Variants in POGLUT3 observed in about 807,000 individuals in gnomAD.
POGLUT3 encodes KDEL (Lys-Asp-Glu-Leu) containing 2.
A neutral mutation model predicts 54.3 loss-of-function variants in POGLUT3; 48 were observed. The ratio of observed to expected loss-of-function variants is 0.88; its 90% CI spans 0.70 to 1.12. POGLUT3 has a LOEUF of 1.12. Ranked by LOEUF, POGLUT3 falls within the 50% of genes most tolerant of loss-of-function variation. The pLI, the probability that POGLUT3 is intolerant of heterozygous loss-of-function variation, is 0.00. For missense variants in POGLUT3, 629 were observed against 618.7 expected (o/e 1.02, Z -0.18); for synonymous variants, 218 against 237.4 (o/e 0.92, Z 0.75).
intron 2 of POGLUT3, among the ~76,000 whole-genome samples, chr11:108,490,768 G>A (rs1427658693): frequency 1.3e-5 from 2 of 151,836 alleles, no homozygotes; most frequent in African/African-American, 4.8e-5. Context: ...CTACATGGAT[G>A]TAAATACACA....
At chr11:108,486,031 T>G in intron 3 of POGLUT3, 126 bp downstream of exon 3, 1 of 710,100 alleles carries the variant, frequency 1.4e-6, no homozygotes, top group Non-Finnish European at 2.3e-6. Context: ...ACACTCAGGT[T>G]GCAAATATCT....
chr11:108,474,520 T>C lies in POGLUT3; in HGVS notation c.*307A>G, dbSNP rs77148558. 2,377 of 174,134 alleles carry C rather than the reference T, an allele frequency of 0.014. 23 individuals carry two copies. Among genetic ancestry groups the C allele is most frequent in the South Asian group, 0.022 (114 of 5,090 alleles). 10.8% of individuals were successfully genotyped at this position (174,134 alleles called of 1,614,324 possible). On this transcript the variant is annotated 3_prime_UTR_variant, in exon 8 of 8. Coordinates refer to ENST00000323468, the MANE Select transcript of POGLUT3 (RefSeq NM_153705.5). ...ATTATATAAAATTACCTTCAGGGTA[T>C]GTGAACAAGGTATATATAAAATATA...
At position 108,492,527 on chromosome 11, in the gene POGLUT3, C is replaced by T. The variant is rs180913515; in HGVS notation, c.203-1360G>A. On this transcript the variant is annotated intron_variant, in intron 1 of 7. Coordinates refer to ENST00000323468, the MANE Select transcript of POGLUT3 (RefSeq NM_153705.5). ...ATATATCTTTTGAAATTACTAAACACGTTTGTGAAATTCTTAGTTTCTAAA... is the reference window on the plus strand; with the variant it reads ...ATATATCTTTTGAAATTACTAAACATGTTTGTGAAATTCTTAGTTTCTAAA... Among the ~76,000 whole-genome samples, 373 of 152,216 alleles carry T rather than the reference C, an allele frequency of 2.5e-3. 2 individuals carry two copies. The highest frequency in any genetic ancestry group is 8.7e-3 in the African/African-American group (360 of 41,536).
chr11:108,487,673 G>T (rs913366523), intron 2 of POGLUT3, among the ~76,000 whole-genome samples: 6 of 152,080 alleles, frequency 3.9e-5, no homozygotes, highest in Admixed American at 3.9e-4. Context: ...GTGTAGTGGC[G>T]TGATCTCGGC....
intron 1 of POGLUT3, among the ~76,000 whole-genome samples, chr11:108,495,710 G>A (rs1010877288): frequency 2.6e-5 from 4 of 152,024 alleles, no homozygotes; most frequent in Non-Finnish European, 5.9e-5. Flanking sequence ...CCGGGCTGGA[G>A]TGCAGTGGCA....
intron 1 of POGLUT3, among the ~76,000 whole-genome samples, chr11:108,497,615 T>C (rs1055636260): frequency 1.3e-5 from 2 of 152,232 alleles, no homozygotes; most frequent in African/African-American, 4.8e-5. Context: ...TGATTTCTAC[T>C]GAGTTTCCCT....
intron 2 of POGLUT3, 187 bp from the exon 3 acceptor site, chr11:108,486,627 G>T: frequency 1.6e-6 from 1 of 611,908 alleles, no homozygotes; most frequent in Non-Finnish European, 2.8e-6. Flanking sequence ...CACCACCTTG[G>T]ATAAACAGTT....
At chr11:108,482,362 T>A in intron 3 of POGLUT3, 140 bp from the exon 4 acceptor site, 2 of 613,270 alleles carry the variant, frequency 3.3e-6, no homozygotes, top group Non-Finnish European at 2.8e-6. Flanking sequence ...ATGCCTGTCA[T>A]TGACAGGATG....
chr11:108,491,504 A>T, intron 1 of POGLUT3: 3 of 376,734 alleles, frequency 8.0e-6, no homozygotes, highest in Non-Finnish European at 9.5e-6. Flanking sequence ...CTGGGACTAT[A>T]GGAGTGTGCC....
intron 1 of POGLUT3, among the ~76,000 whole-genome samples, chr11:108,496,026 C>T (rs1440762797): frequency 1.3e-5 from 2 of 151,950 alleles, no homozygotes; most frequent in Non-Finnish European, 2.9e-5. Context: ...ACATATAAAA[C>T]ATATACACAA....
In POGLUT3 at chr11:108,495,753, G is replaced by T. The variant is rs192938737; in HGVS notation, c.202+2412C>A. On this transcript the variant is annotated intron_variant, in intron 1 of 7. Transcript: ENST00000323468. ...AATGCACTGCAACCTTGAGCTCCTG[G>T]GCTCAACTGATCCTTCTGCCTCAGC... Among the ~76,000 whole-genome samples, 459 of 152,020 alleles carry T rather than the reference G, an allele frequency of 3.0e-3. 13 individuals carry two copies. Among genetic ancestry groups the T allele is most frequent in the Non-Finnish European group, 7.4e-4 (50 of 67,980 alleles).
At chr11:108,481,901 G>T in intron 4 of POGLUT3, 105 bp downstream of exon 4, 1 of 875,628 alleles carries the variant, frequency 1.1e-6, no homozygotes, top group Non-Finnish European at 1.8e-6. Flanking sequence ...AGAATTTTCA[G>T]TACAAGACTT....
At chr11:108,490,909 A>G (rs1365304016) in intron 2 of POGLUT3, 61 bp downstream of exon 2, 2 of 1,329,524 alleles carry the variant, frequency 1.5e-6, no homozygotes, top group South Asian at 1.2e-5. Context: ...GGTTTAGGCC[A>G]TTCTGAAAGG....
intron 1 of POGLUT3, among the ~76,000 whole-genome samples, chr11:108,492,178 C>T (rs1396508234): frequency 6.6e-6 from 1 of 152,138 alleles, no homozygotes; most frequent in South Asian, 2.1e-4. Context: ...GAAACAGTTA[C>T]ACTGTAATAA....
At chr11:108,494,002 T>C (rs2135865997) in intron 1 of POGLUT3, among the ~76,000 whole-genome samples, 1 of 152,284 alleles carries the variant, frequency 6.6e-6, no homozygotes, top group Non-Finnish European at 1.5e-5. Flanking sequence ...AAAGCATATT[T>C]AGAAATTCAC....
chr11:108,497,144 G>A (rs1448157944), intron 1 of POGLUT3, among the ~76,000 whole-genome samples: 1 of 152,216 alleles, frequency 6.6e-6, no homozygotes, highest in South Asian at 2.1e-4. Flanking sequence ...TTCCTTGATG[G>A]TCAGGCATTG....
At chr11:108,490,747 G>A (rs1017558697) in intron 2 of POGLUT3, among the ~76,000 whole-genome samples, 8 of 151,020 alleles carry the variant, frequency 5.3e-5, no homozygotes, top group Non-Finnish European at 8.8e-5. Context: ...GAAGAGTTTC[G>A]CAAATAGTAA....
At chr11:108,497,575 C>T (rs1468615392) in intron 1 of POGLUT3, among the ~76,000 whole-genome samples, 1 of 152,242 alleles carries the variant, frequency 6.6e-6, no homozygotes, top group Non-Finnish European at 1.5e-5. Flanking sequence ...GGACGAGATC[C>T]ATCTCACCCT....
Position 108,486,164 on chromosome 11 carries a change from G to C in POGLUT3, c.677C>G (p.Thr226Arg). ...ATTCATTCATTCTCCTACCTTTCTT[G>C]TCAATGATAACAAAATCTCATCAGA... The part of the protein sequence containing the change: ...MFSDEILLSL[T>R]RKVLLPDLEF... The change falls in exon 3 of 8, where the codon ACA (threonine) becomes AGA (arginine). Residue 226 changes from threonine (T) to arginine (R), a missense_variant. Thr to Arg is a moderately conservative substitution (Grantham distance 71, BLOSUM62 -1). Coordinates refer to ENST00000323468, the MANE Select transcript of POGLUT3 (RefSeq NM_153705.5). The C allele has an allele frequency of 1.2e-6, 2 of 1,603,696 alleles. No individual in the cohort carries two copies. Among genetic ancestry groups the C allele is most frequent in the South Asian group, 1.1e-5 (1 of 90,832 alleles).
Sources: gnomAD v4.1 joint callset for allele counts (sites outside exome capture counted in the v4.1 genomes callset) on GRCh38, gnomAD v4.1.1 for gene constraint, MANE v1.5 for transcripts, NCBI Gene and HGNC (gene_info 2026-07-23, HGNC 2026-07-21) for gene names.